Variants in FRMD1 observed in about 807,000 individuals in gnomAD.
The protein encoded by FRMD1 is FERM domain containing 1, also known as FERM domain-containing protein 1.
Under a neutral mutation model 54.9 loss-of-function variants are expected in FRMD1, and 51 were observed. The ratio of observed to expected loss-of-function variants is 0.93; its 90% CI spans 0.74 to 1.17. The LOEUF (loss-of-function observed/expected upper bound fraction) is 1.17. FRMD1 is among the 50% of genes most tolerant of loss of function. The pLI, the probability that FRMD1 is intolerant of heterozygous loss-of-function variation, is 0.00. For synonymous variants in FRMD1, 324 were observed against 306.4 expected (o/e 1.06, Z -0.60); for missense variants, 729 against 743.0 (o/e 0.98, Z 0.22).
chr6:168,068,066 C>T (rs1800134375), intron 2 of FRMD1, among the ~76,000 whole-genome samples: 1 of 152,042 alleles, frequency 6.6e-6, no homozygotes, highest in South Asian at 2.1e-4. Flanking sequence ...AAGCTATGAA[C>T]GTGCCACTGC....
upstream of FRMD1, chr6:168,081,884 G>T: frequency 4.6e-6 from 1 of 219,322 alleles, no homozygotes; most frequent in Non-Finnish European, 8.9e-6. Flanking sequence ...GAAACATTTC[G>T]CTTTAGAGGA....
chr6:168,057,330 T>C lies in FRMD1; in HGVS notation c.1417A>G (p.Met473Val), dbSNP rs1267889031. 6.2e-7 allele frequency: 1 copy of C among 1,610,756 alleles called. No homozygotes were observed. The highest frequency in any genetic ancestry group is 1.3e-5 in the African/African-American group (1 of 74,926). Residue 473 changes from methionine (M) to valine (V), a missense_variant, in exon 11 of 11, where the codon ATG (methionine) becomes GTG (valine). Coordinates refer to ENST00000283309, the MANE Select transcript of FRMD1 (RefSeq NM_024919.6). ...SAEAVHQIQE[M>V]TAGVSEEQHS... ...TGCTCCTCACTGACCCCGGCTGTCA[T>C]TTCCTGGATCTGCGGGGAGAGGCCA...
intron 1 of FRMD1, among the ~76,000 whole-genome samples, chr6:168,091,535 G>A (rs866802164): frequency 2.6e-5 from 4 of 152,334 alleles, no homozygotes; most frequent in Middle Eastern, 3.4e-3. Context: ...TCCACTGGGC[G>A]TCCTCGCCCT....
Position 168,060,933 on chromosome 6 carries a change from G to T in FRMD1, c.1170C>A (p.Ala390=), listed in dbSNP as rs143590279. Residue 390 remains alanine, a synonymous_variant, in exon 9 of 11, where the codon GCC becomes GCA. Transcript: ENST00000283309. The part of the protein sequence containing the change: ...HCPHCLSRHS[A]DSHGSSYTSG... ...ACGTGTAGGAACTGCCGTGGCTGTC[G>T]GCGGAGTGGCGTGAGAGGCAGTGGG... 300 of 1,613,698 alleles carry T rather than the reference G, an allele frequency of 1.9e-4. 2 individuals are homozygous for T. In the Middle Eastern group the frequency reaches 2.1e-3, roughly 12 times the overall value.
At chr6:168,078,763 TCCAGGGCCCTGCTCACCCCCACGGCCAC>T (rs146418409) in intron 1 of FRMD1, 91 bp downstream of exon 1, 763,351 of 976,392 alleles carry the variant, frequency 0.78, 306,740 homozygotes, top group Non-Finnish European at 0.8. Flanking sequence ...CCCAAGGCCA[TCCAGGGCCCTGCTCACCCCCACGGCCAC>T]CCAGGGCCCT....
At chr6:168,065,604 C>T (rs1799987892) in intron 4 of FRMD1, 1 of 986,652 alleles carries the variant, frequency 1.0e-6, no homozygotes, top group Non-Finnish European at 1.2e-6. Context: ...ATCCATCAAC[C>T]CAACACTTTC....
intron 4 of FRMD1, chr6:168,065,966 C>T (rs1487836801): frequency 4.0e-6 from 4 of 1,000,164 alleles, no homozygotes; most frequent in Non-Finnish European, 4.8e-6. Context: ...ACCCTAGAAG[C>T]TCTAAGGCAG....
chr6:168,059,170 C>T lies in FRMD1; in HGVS notation c.1361G>A (p.Cys454Tyr). ...CTGGCCTCTGGTCCTGACCTGGGTG[C>T]AGGGCTCCTGACGAGTGGCTGTGGG... Reference protein sequence around the residue: ...GDSQATRQEPCTQVRTRGQSA... With the variant: ...GDSQATRQEPYTQVRTRGQSA... Residue 454 changes from cysteine to tyrosine, a missense_variant, in exon 10 of 11, where the codon TGC becomes TAC. Physicochemically the swap from Cys to Tyr is radical, Grantham distance 194. Transcript: ENST00000283309. This position sits in a 1 kb window ranked among gnomAD's most constrained non-coding sequence, Gnocchi z 4.4. 2 of 1,586,716 alleles carry T rather than the reference C, an allele frequency of 1.3e-6. No individual in the cohort carries two copies. Among genetic ancestry groups the T allele is most frequent in the Non-Finnish European group, 8.5e-7 (1 of 1,170,104 alleles).
chr6:168,075,469 G>T (rs1252263772), intron 1 of FRMD1, 134 bp from the exon 2 acceptor site: 5 of 729,016 alleles, frequency 6.9e-6, no homozygotes, highest in Non-Finnish European at 9.6e-6. Context: ...ACAGGTCTGG[G>T]TCTCTCACTC....
rs1375761763 is a variant in FRMD1, at chr6:168,054,275, G to T, written c.*2822C>A. 2 of 152,248 alleles carry T rather than the reference G, an allele frequency of 1.3e-5. No homozygotes were observed. The highest frequency in any genetic ancestry group is 2.9e-5 in the Non-Finnish European group (2 of 68,092). 9.4% of individuals were successfully genotyped at this position (152,248 alleles called of 1,614,324 possible). ...AAACCCAGCCTGAACAAGCTCTCTG[G>T]GTCGTTCTTGCGAGTCTGGACCTGC... On this transcript the variant is annotated 3_prime_UTR_variant, in exon 11 of 11. Coordinates refer to ENST00000283309, the MANE Select transcript of FRMD1 (RefSeq NM_024919.6).
intron 2 of FRMD1, among the ~76,000 whole-genome samples, chr6:168,069,700 G>C (rs570604801): frequency 6.6e-6 from 1 of 152,136 alleles, no homozygotes; most frequent in Non-Finnish European, 1.5e-5. Context: ...TACTTCCTAG[G>C]ACTTAACCTC....
chr6:168,073,045 G>A (rs1451341260), intron 2 of FRMD1, among the ~76,000 whole-genome samples: 1 of 152,164 alleles, frequency 6.6e-6, no homozygotes, highest in Non-Finnish European at 1.5e-5. Flanking sequence ...TGGCATGAAT[G>A]GCAGCTGTGG....
At chr6:168,083,838 G>A (rs1800877011), upstream of FRMD1, among the ~76,000 whole-genome samples, 1 of 152,230 alleles carries the variant, frequency 6.6e-6, no homozygotes, top group Admixed American at 6.5e-5. Context: ...CTTACTGATG[G>A]CTTATTTCCT....
At chr6:168,062,491 C>A (rs772538590) in intron 7 of FRMD1, among the ~76,000 whole-genome samples, 1 of 152,272 alleles carries the variant, frequency 6.6e-6, no homozygotes, top group Non-Finnish European at 1.5e-5. Flanking sequence ...AAACACCCCA[C>A]GCCTGCAGGG....
At chr6:168,080,879 G>T (rs1800810809), upstream of FRMD1, among the ~76,000 whole-genome samples, 1 of 151,824 alleles carries the variant, frequency 6.6e-6, no homozygotes, top group African/African-American at 2.4e-5. Flanking sequence ...GTGCTGGTGT[G>T]TGTGGGCGCT....
In FRMD1 at chr6:168,059,109, T is replaced by TG. The variant is rs1259001399; in HGVS notation, c.1407+14dup. On this transcript the variant is annotated intron_variant, in intron 10 of 10. Coordinates refer to ENST00000283309, the MANE Select transcript of FRMD1 (RefSeq NM_024919.6). The surrounding 1 kb of genome is among the most constrained non-coding windows in gnomAD (Gnocchi z 4.4). ...GAGCAGGGCCAGGGCTTCTGGCCCG[T>TG]GGGGGGGACTCTACCTGGTGCACGG... is the stretch of plus-strand genomic sequence containing the variant. 5 of 1,557,308 alleles carry TG rather than the reference T, an allele frequency of 3.2e-6. No individual in the cohort carries two copies. The African/African-American group carries it at 4.0e-5, about 13-fold the overall frequency.
chr6:168,055,194 A>C lies in FRMD1; in HGVS notation c.*1903T>G, dbSNP rs1377485696. The C allele has an allele frequency of 6.6e-6, 1 of 152,182 alleles. No individual in the cohort carries two copies. The highest frequency in any genetic ancestry group is 2.4e-5 in the African/African-American group (1 of 41,444). The allele number at this position is 152,182 out of a possible 1,614,324, so 9.4% of individuals were successfully genotyped here. On this transcript the variant is annotated 3_prime_UTR_variant, in exon 11 of 11. Coordinates refer to ENST00000283309, the MANE Select transcript of FRMD1 (RefSeq NM_024919.6). Reference sequence around the variant, plus strand: ...GGACACAAGGCGCCGGGCCAGCTTCACTGATGCTTCCACAAGTTAGGGGTG... The same window carrying C: ...GGACACAAGGCGCCGGGCCAGCTTCCCTGATGCTTCCACAAGTTAGGGGTG...
At chr6:168,062,688 C>T (rs949783023) in intron 7 of FRMD1, 2 of 1,550,836 alleles carry the variant, frequency 1.3e-6, no homozygotes, top group Admixed American at 2.0e-5. Flanking sequence ...GCCAGCTTCC[C>T]AACGTGGGGC....
chr6:168,075,620 C>G (rs1286414500), intron 1 of FRMD1: 1 of 838,796 alleles, frequency 1.2e-6, no homozygotes, highest in Non-Finnish European at 2.0e-6. Context: ...TGAGGATTTC[C>G]CGAGACCAGT....
Sources: allele counts gnomAD v4.1 joint callset (sites outside exome capture counted in the v4.1 genomes callset), GRCh38; gene constraint gnomAD v4.1.1; non-coding constraint Gnocchi (gnomAD v3.1); transcripts MANE v1.5; gene names NCBI Gene and HGNC (gene_info 2026-07-23, HGNC 2026-07-21).